Variants in KNL1 observed in about 807,000 individuals in gnomAD.
KNL1 encodes the protein kinetochore scaffold 1.
A neutral mutation model predicts 201.3 loss-of-function variants in KNL1; 66 were observed. The observed-to-expected ratio is 0.33, with a 90% CI of 0.27 to 0.40. The LOEUF is 0.40. Among genes scored for constraint, KNL1 ranks in the 10% least tolerant of loss-of-function variants. The pLI, the probability that KNL1 is intolerant of heterozygous loss-of-function variation, is 1.00. For missense variants in KNL1, 2,815 were observed against 2,690.5 expected (o/e 1.05, Z -1.02); for synonymous variants, 895 against 899.2 (o/e 1.00, Z 0.08).
chr15:40,628,647 G>A lies in KNL1; in HGVS notation c.5552G>A (p.Arg1851Lys). Residue 1851 changes from arginine to lysine, a missense_variant, in exon 12 of 26, where the codon AGA (arginine) becomes AAA (lysine). By Grantham distance (26) the Arg-to-Lys change is conservative. Around this residue, in one of 3 missense-constraint regions of KNL1, gnomAD observed 2,464 missense variants for 2,291.7 expected, o/e 1.08. Coordinates refer to ENST00000399668, the MANE Select transcript of KNL1 (RefSeq NM_144508.5). ...AGTCAAATGGAATCACAGTTTCTCA[G>A]AGATACTATTTGTGAAGAGAGCTTG... The part of the protein sequence containing the change: ...RSSQMESQFL[R>K]DTICEESLRE... The A allele has an allele frequency of 1.2e-6, 2 of 1,602,506 alleles. No homozygotes were observed. Among genetic ancestry groups the A allele is most frequent in the Non-Finnish European group, 1.7e-6 (2 of 1,173,306 alleles).
Position 40,647,037 on chromosome 15 carries a change from TA to T in KNL1, c.6059del (p.Lys2020ArgfsTer33). 6.5e-7 allele frequency: 1 copy of T among 1,538,766 alleles called. No individual in the cohort carries two copies. The highest frequency in any genetic ancestry group is 9.0e-7 in the Non-Finnish European group (1 of 1,112,226). On this transcript the variant is annotated frameshift_variant, in exon 17 of 26. Transcript: ENST00000399668. LOFTEE classifies it high-confidence loss of function. ...IKIDEMDKIL[K>X]KIDNCLTEME... ...AGATAGATGAGATGGATAAAATACTTAAGAAGATCGATAACTGCCTCACTGA... is the reference window on the plus strand; with the variant it reads ...AGATAGATGAGATGGATAAAATACTTAGAAGATCGATAACTGCCTCACTGA...
chr15:40,602,234 C>A (rs373123098), intron 1 of KNL1, among the ~76,000 whole-genome samples: 3 of 148,674 alleles, frequency 2.0e-5, no homozygotes, highest in African/African-American at 5.0e-5. Context: ...GGGGTTTCAC[C>A]GTGTTAGCCA....
chr15:40,639,064 A>T (rs1893144104), intron 13 of KNL1, among the ~76,000 whole-genome samples: 1 of 151,100 alleles, frequency 6.6e-6, no homozygotes, highest in African/African-American at 2.4e-5. Flanking sequence ...AAGTGCTGGG[A>T]TTACAGGCAT....
chr15:40,623,859 G>A lies in KNL1; in HGVS notation c.3595G>A (p.Val1199Ile), dbSNP rs1892638883. Reference protein sequence around the residue: ...FGIGKGKNLGVSFPKDNSCVQ... With the variant: ...FGIGKGKNLGISFPKDNSCVQ... ...AATAGGAAAAGGAAAAAACTTGGGT[G>A]TTTCCTTTCCTAAGGATAATAGCTG... Residue 1199 changes from valine to isoleucine, a missense_variant, in exon 10 of 26, where the codon GTT becomes ATT. By Grantham distance (29) the Val-to-Ile change is conservative (BLOSUM62 3). Around this residue, in one of 3 missense-constraint regions of KNL1, gnomAD observed 2,464 missense variants for 2,291.7 expected, o/e 1.08. Transcript: ENST00000399668. The A allele has an allele frequency of 1.9e-6, 3 of 1,613,668 alleles. No homozygotes were observed. Among genetic ancestry groups the A allele is most frequent in the Admixed American group, 1.7e-5 (1 of 59,980 alleles).
At chr15:40,602,369 C>G (rs1310158442) in intron 1 of KNL1, among the ~76,000 whole-genome samples, 1 of 149,238 alleles carries the variant, frequency 6.7e-6, no homozygotes, top group East Asian at 2.0e-4. Context: ...ATCTCCTGAC[C>G]TTGTGATCCA....
In KNL1 at chr15:40,651,486, G is replaced by A; in HGVS notation, c.6228G>A (p.Leu2076=). Residue 2076 remains leucine, a synonymous_variant, in exon 20 of 26, where the codon CTG becomes CTA. Coordinates refer to ENST00000399668, the MANE Select transcript of KNL1 (RefSeq NM_144508.5). The part of the protein sequence containing the change: ...EEELQRNLLE[L]EVQKEQTLAQ... Reference sequence around the variant, plus strand: ...TTATTTGCAGAAATCTCTTAGAACTGGAGGTACAAAAAGAGCAGACCCTTG... The same window carrying A: ...TTATTTGCAGAAATCTCTTAGAACTAGAGGTACAAAAAGAGCAGACCCTTG... 1 of 1,604,486 alleles carries A rather than the reference G, an allele frequency of 6.2e-7. No individual in the cohort carries two copies. The highest frequency in any genetic ancestry group is 1.7e-5 in the Admixed American group (1 of 57,446).
chr15:40,636,906 A>C (rs1893070996), intron 13 of KNL1, among the ~76,000 whole-genome samples: 1 of 152,158 alleles, frequency 6.6e-6, no homozygotes, highest in South Asian at 2.1e-4. Flanking sequence ...GCAAATTCCA[A>C]GCATCATCAA....
chr15:40,655,653 G>A (rs906959511), intron 22 of KNL1, among the ~76,000 whole-genome samples: 1 of 150,458 alleles, frequency 6.6e-6, no homozygotes, highest in Non-Finnish European at 1.5e-5. Context: ...GGTGGCTCAC[G>A]CCTGTAATCC....
At chr15:40,643,881 A>G (rs928040366) in intron 14 of KNL1, among the ~76,000 whole-genome samples, 3 of 152,220 alleles carry the variant, frequency 2.0e-5, no homozygotes, top group Admixed American at 6.5e-5. Flanking sequence ...GAAAAAAACT[A>G]GGAAGAGTTA....
In KNL1 at chr15:40,621,288, C is replaced by A; in HGVS notation, c.1024C>A (p.Gln342Lys). 2 of 1,613,852 alleles carry A rather than the reference C, an allele frequency of 1.2e-6. No individual in the cohort carries two copies. Among genetic ancestry groups the A allele is most frequent in the South Asian group, 2.2e-5 (2 of 91,020 alleles). ...ATGNFSEIENQTQNAMDVTTG... is the reference protein window; with the variant it reads ...ATGNFSEIENKTQNAMDVTTG... ...AGGTAATTTTTCTGAAATAGAAAAT[C>A]AAACTCAGAATGCCATGGATGTAAC... The change falls in exon 10 of 26, where the codon CAA (glutamine) becomes AAA (lysine). Residue 342 changes from glutamine (Q) to lysine (K), a missense_variant. Gln to Lys is a moderately conservative substitution (Grantham distance 53). Transcript: ENST00000399668.
rs142868498 is a variant in KNL1, at chr15:40,624,766, C to T, written c.4502C>T (p.Ala1501Val). ...KILNSEEWFA[A>V]ACKKELKENI... is the part of the protein sequence containing the mutation. ...CTCAATAGTGAGGAATGGTTTGCTG[C>T]AGCCTGTAAAAAAGAACTGAAGGAA... Residue 1501 changes from alanine to valine, a missense_variant, in exon 10 of 26, where the codon GCA (alanine) becomes GTA (valine). Coordinates refer to ENST00000399668, the MANE Select transcript of KNL1 (RefSeq NM_144508.5). 53 of 1,613,762 alleles carry T rather than the reference C, an allele frequency of 3.3e-5. No individual in the cohort carries two copies. The East Asian group carries it at 8.5e-4, about 26-fold the overall frequency.
chr15:40,659,731 C>T (rs1365355202), intron 25 of KNL1, among the ~76,000 whole-genome samples: 1 of 152,124 alleles, frequency 6.6e-6, no homozygotes, highest in Non-Finnish European at 1.5e-5. Context: ...CCGCCCACCT[C>T]GGCCTCCCAA....
At chr15:40,613,140 A>T (rs559808909) in intron 7 of KNL1, among the ~76,000 whole-genome samples, 14 of 152,330 alleles carry the variant, frequency 9.2e-5, no homozygotes, top group Admixed American at 2.6e-4. Context: ...CGGAAAAAAA[A>T]TTTTATGCTA....
chr15:40,609,576 T>C (rs931633408), intron 5 of KNL1, among the ~76,000 whole-genome samples: 4 of 152,176 alleles, frequency 2.6e-5, no homozygotes, highest in Admixed American at 2.0e-4. Flanking sequence ...CATGCTACCA[T>C]ACCTGAACTG....
chr15:40,595,282 A>G (rs757184616), intron 1 of KNL1, among the ~76,000 whole-genome samples: 41 of 152,264 alleles, frequency 2.7e-4, no homozygotes, highest in Middle Eastern at 3.2e-3. Flanking sequence ...ACAAATAACT[A>G]GAATACAAGA....
chr15:40,625,390 A>G lies in KNL1; in HGVS notation c.5126A>G (p.Gln1709Arg), dbSNP rs370065656. 11 of 1,613,718 alleles carry G rather than the reference A, an allele frequency of 6.8e-6. No individual in the cohort carries two copies. The highest frequency in any genetic ancestry group is 1.7e-5 in the Admixed American group (1 of 59,934). Residue 1709 changes from glutamine to arginine, a missense_variant, in exon 10 of 26, where the codon CAA (glutamine) becomes CGA (arginine). Around this residue, in one of 3 missense-constraint regions of KNL1, gnomAD observed 2,464 missense variants for 2,291.7 expected, o/e 1.08. Transcript: ENST00000399668. ...GGTAAACTGAACCTAAGTCCTTCTC[A>G]ATATATAAATGAGGAAAATCTTCCT... ...VAGKLNLSPSQYINEENLPVY... is the reference protein window; with the variant it reads ...VAGKLNLSPSRYINEENLPVY...
chr15:40,628,390 C>T (rs1008960201), intron 11 of KNL1, among the ~76,000 whole-genome samples, 182 bp downstream of exon 11: 7 of 152,138 alleles, frequency 4.6e-5, no homozygotes, highest in Non-Finnish European at 8.8e-5. Flanking sequence ...TGAGAAGTGA[C>T]ATACTACAGA....
intron 10 of KNL1, among the ~76,000 whole-genome samples, chr15:40,627,345 TC>T (rs1383281746): frequency 6.6e-6 from 1 of 152,064 alleles, no homozygotes; most frequent in Non-Finnish European, 1.5e-5. Context: ...AAACCCTGTC[TC>T]TACTAAAAAT....
intron 1 of KNL1, among the ~76,000 whole-genome samples, chr15:40,596,956 C>T (rs1264106025): frequency 7.8e-5 from 11 of 141,310 alleles, no homozygotes; most frequent in East Asian, 4.2e-4. Context: ...GCCAAGATTG[C>T]GCCATTGTAC....
Sources: allele counts gnomAD v4.1 joint callset (sites outside exome capture counted in the v4.1 genomes callset), GRCh38; gene constraint gnomAD v4.1.1; regional missense constraint gnomAD v4.1.1; transcripts MANE v1.5; gene names NCBI Gene and HGNC (gene_info 2026-07-23, HGNC 2026-07-21).